Variants in G3BP1 observed in about 807,000 individuals in gnomAD.
G3BP1 encodes the protein ras GTPase-activating protein-binding protein 1.
In G3BP1, 35 loss-of-function variants were observed where a neutral mutation model predicts 58.6. The observed-to-expected ratio is 0.60, with a 90% CI of 0.46 to 0.79. G3BP1 has a LOEUF of 0.79. Among genes scored for constraint, G3BP1 ranks in the 30% least tolerant of loss-of-function variants. The pLI is 0.00. For synonymous variants in G3BP1, 191 were observed against 195.4 expected, an observed-to-expected ratio of 0.98 and a Z score of 0.19; for missense variants, 523 against 580.8, an observed-to-expected ratio of 0.90 and a Z score of 1.02.
rs954916983 is a variant in G3BP1, at chr5:151,809,683, G to A, written c.*5592G>A. Reference sequence around the variant, plus strand: ...GGATCAGAGAGAATTGGTTAGTAGAGTCCCAAATCTGCTTTTAGAAGTAAT... The same window carrying A: ...GGATCAGAGAGAATTGGTTAGTAGAATCCCAAATCTGCTTTTAGAAGTAAT... On this transcript the variant is annotated 3_prime_UTR_variant, in exon 12 of 12. Transcript: ENST00000356245. The A allele has an allele frequency of 6.6e-6, 1 of 152,140 alleles. No homozygotes were observed. Among genetic ancestry groups the A allele is most frequent in the African/African-American group, 2.4e-5 (1 of 41,434 alleles). The allele number at this position is 152,140 out of a possible 1,614,324, so 9.4% of individuals were successfully genotyped here. A position where few individuals can be genotyped will look rare whatever the true frequency, so the allele number is the denominator to read the frequency against.
intron 2 of G3BP1, chr5:151,787,466 A>C (rs138931532): frequency 6.6e-6 from 1 of 152,202 alleles, no homozygotes; most frequent in African/African-American, 2.4e-5. Context: ...CAATTTTTCT[A>C]TATATATAGA....
rs76144800 is a variant in G3BP1 at position 151,796,793 on chromosome 5, A to G, written c.540-434A>G. Among the ~76,000 whole-genome samples the G allele has an allele frequency of 9.2e-3, 1,396 of 152,224 alleles. 26 individuals carry two copies. The highest frequency in any genetic ancestry group is 0.032 in the African/African-American group (1,341 of 41,520). ...CTGTATAGATGTGGTTCTATGACAG[A>G]TATCTAGGACTTTTCACCTTACAAC... On this transcript the variant is annotated intron_variant, in intron 6 of 11. Transcript: ENST00000356245.
intron 1 of G3BP1, among the ~76,000 whole-genome samples, chr5:151,786,280 C>G (rs1762554094): frequency 6.6e-6 from 1 of 152,150 alleles, no homozygotes; most frequent in Non-Finnish European, 1.5e-5. Context: ...CAGAGAGACT[C>G]TGTCTCAAAA....
chr5:151,790,465 A>C, intron 3 of G3BP1, 61 bp downstream of exon 3: 1 of 841,450 alleles, frequency 1.2e-6, no homozygotes, highest in Non-Finnish European at 1.9e-6. Context: ...ATAAAATTGA[A>C]GTGGATCATA....
chr5:151,781,028 AT>A (rs1412755635), intron 1 of G3BP1, among the ~76,000 whole-genome samples: 1 of 151,980 alleles, frequency 6.6e-6, no homozygotes, highest in African/African-American at 2.4e-5. Context: ...ATATTGGAAA[AT>A]TTTTTTTGGA....
Position 151,790,131 on chromosome 5 carries a change from T to A in G3BP1, c.96-192T>A, listed in dbSNP as rs1477406793. ...AGAGCAAAAAAAAAAAAAAAAAAAATGTGCACATCAAAGATCATAGCCCCG... is the reference window on the plus strand; with the variant it reads ...AGAGCAAAAAAAAAAAAAAAAAAAAAGTGCACATCAAAGATCATAGCCCCG... On this transcript the variant is annotated intron_variant, in intron 2 of 11. Coordinates refer to ENST00000356245, the MANE Select transcript of G3BP1 (RefSeq NM_005754.3). Among the ~76,000 whole-genome samples, 1,070 of 123,202 alleles carry A rather than the reference T, an allele frequency of 8.7e-3. 11 individuals carry two copies. Among genetic ancestry groups the A allele is most frequent in the African/African-American group, 0.028 (886 of 31,536 alleles). The allele number at this position is 123,202 out of a possible 152,430, so 80.8% of individuals were successfully genotyped here.
At chr5:151,801,402 C>G (rs542966316) in intron 11 of G3BP1, among the ~76,000 whole-genome samples, 4 of 152,300 alleles carry the variant, frequency 2.6e-5, no homozygotes, top group African/African-American at 9.6e-5. Flanking sequence ...GAATGGAAAT[C>G]TTACTGTGGG....
rs752131869 is a variant in G3BP1 at position 151,795,571 on chromosome 5, G to A, written c.535G>A (p.Val179Ile). ...TGGAACTTTCTATGATCAGGCAGTT[G>A]TCAGGTAAGAAGATTTTGTTCACAT... ...DSGTFYDQAV[V>I]SNDMEEHLEE... The change falls in exon 6 of 12, where the codon GTC (valine) becomes ATC (isoleucine). Residue 179 changes from valine (V) to isoleucine (I), a missense_variant. Physicochemically the swap from Val to Ile is conservative, Grantham distance 29. Around this residue, in one of 2 missense-constraint regions of G3BP1, gnomAD observed 398 missense variants for 399.1 expected, o/e 1.00. Transcript: ENST00000356245. 18 of 1,562,422 alleles carry A rather than the reference G, an allele frequency of 1.2e-5. 1 individual carries two copies. The South Asian group carries it at 1.9e-4, about 16-fold the overall frequency.
chr5:151,797,790 AAAAT>A (rs1242275705), intron 7 of G3BP1, among the ~76,000 whole-genome samples: 5 of 152,266 alleles, frequency 3.3e-5, no homozygotes, highest in Admixed American at 2.6e-4. Context: ...CTTTTCAAGA[AAAAT>A]AACATGGCAG....
Position 151,786,733 on chromosome 5 carries a change from T to G in G3BP1, c.95+18T>G. 2 of 1,380,418 alleles carry G rather than the reference T, an allele frequency of 1.4e-6. No individual in the cohort carries two copies. Among genetic ancestry groups the G allele is most frequent in the Non-Finnish European group, 2.1e-6 (2 of 966,486 alleles). The allele number at this position is 1,380,418 out of a possible 1,614,324, so 85.5% of individuals were successfully genotyped here. A position where few individuals can be genotyped will look rare whatever the true frequency, so the allele number is the denominator to read the frequency against. ...CTGCATAGGTAAGACATTTTTCTCC[T>G]GCATCATCTAATGCTGTCTTTTAGT... On this transcript the variant is annotated intron_variant, in intron 2 of 11. Transcript: ENST00000356245.
intron 6 of G3BP1, among the ~76,000 whole-genome samples, chr5:151,796,638 T>C (rs1055493193): frequency 2.0e-5 from 3 of 152,222 alleles, no homozygotes; most frequent in African/African-American, 4.8e-5. Flanking sequence ...AACTATTTTC[T>C]CCCCCAAATT....
intron 1 of G3BP1, among the ~76,000 whole-genome samples, chr5:151,775,732 C>T (rs1290801883): frequency 6.6e-6 from 1 of 152,170 alleles, no homozygotes; most frequent in South Asian, 2.1e-4. Context: ...TATCTTTTCA[C>T]GTGATGAGAA....
Position 151,808,365 on chromosome 5 carries a change from T to G in G3BP1, c.*4274T>G, listed in dbSNP as rs1253387747. On this transcript the variant is annotated 3_prime_UTR_variant, in exon 12 of 12. Coordinates refer to ENST00000356245, the MANE Select transcript of G3BP1 (RefSeq NM_005754.3). Reference sequence around the variant, plus strand: ...CTTGTTCATGCTTTCATGTCTCAAATCAAGGCCTAAATGAGTAAAAAGATG... The same window carrying G: ...CTTGTTCATGCTTTCATGTCTCAAAGCAAGGCCTAAATGAGTAAAAAGATG... 2 of 152,220 alleles carry G rather than the reference T, an allele frequency of 1.3e-5. No individual in the cohort carries two copies. The highest frequency in any genetic ancestry group is 2.9e-5 in the Non-Finnish European group (2 of 68,042). The allele number at this position is 152,220 out of a possible 1,614,324, so 9.4% of individuals were successfully genotyped here. A position where few individuals can be genotyped will look rare whatever the true frequency, so the allele number is the denominator to read the frequency against.
At position 151,804,490 on chromosome 5, in the gene G3BP1, G is replaced by A. The variant is rs1402994554; in HGVS notation, c.*399G>A. The A allele has an allele frequency of 6.5e-6, 1 of 155,026 alleles. No homozygotes were observed. The highest frequency in any genetic ancestry group is 2.4e-5 in the African/African-American group (1 of 41,158). The allele number at this position is 155,026 out of a possible 1,614,324, so 9.6% of individuals were successfully genotyped here. On this transcript the variant is annotated 3_prime_UTR_variant, in exon 12 of 12. Transcript: ENST00000356245. ...AATATTTCTTATTTTCTACGTGTTT[G>A]AAAAGCCTGTAAGAAATACAGGATT...
At chr5:151,773,317 C>G (rs1042410336) in intron 1 of G3BP1, among the ~76,000 whole-genome samples, 1 of 133,032 alleles carries the variant, frequency 7.5e-6, no homozygotes, top group Non-Finnish European at 1.6e-5. Flanking sequence ...AAGGTTGGCG[C>G]CCAGTTACAG....
chr5:151,799,818 TA>T, intron 8 of G3BP1, 70 bp from the exon 9 acceptor site: 2 of 867,828 alleles, frequency 2.3e-6, no homozygotes, highest in Non-Finnish European at 3.7e-6. Flanking sequence ...ACTTGTTAGC[TA>T]AGAAACTTCA....
Position 151,805,068 on chromosome 5 carries a change from C to T in G3BP1, c.*977C>T, listed in dbSNP as rs1161143858. On this transcript the variant is annotated 3_prime_UTR_variant, in exon 12 of 12. Transcript: ENST00000356245. ...AAAATTGAGTCTCAAACTGGAATGC[C>T]TTTGAAGACAGATGCTTCTATAGAG... is the stretch of plus-strand genomic sequence containing the variant. The T allele has an allele frequency of 6.6e-6, 1 of 152,538 alleles. No homozygotes were observed. Among genetic ancestry groups the T allele is most frequent in the Non-Finnish European group, 1.5e-5 (1 of 68,020 alleles). 9.4% of individuals were successfully genotyped at this position (152,538 alleles called of 1,614,324 possible). A position where few individuals can be genotyped will look rare whatever the true frequency, so the allele number is the denominator to read the frequency against.
intron 1 of G3BP1, among the ~76,000 whole-genome samples, chr5:151,780,789 G>C (rs1013383981): frequency 4.6e-5 from 7 of 152,142 alleles, no homozygotes; most frequent in Non-Finnish European, 8.8e-5. Context: ...TGGGATTACA[G>C]GTGTGAGCCA....
intron 2 of G3BP1, 183 bp downstream of exon 2, chr5:151,786,898 A>G (rs1054457223): frequency 3.8e-6 from 2 of 522,082 alleles, no homozygotes; most frequent in African/African-American, 1.9e-5. Context: ...ACTGGAGTGC[A>G]GTGGTGCGAT....
Sources: allele counts gnomAD v4.1 joint callset (sites outside exome capture counted in the v4.1 genomes callset), GRCh38; gene constraint gnomAD v4.1.1; regional missense constraint gnomAD v4.1.1; transcripts MANE v1.5; gene names NCBI Gene and HGNC (gene_info 2026-07-23, HGNC 2026-07-21).